The following ARHGEF3 variants were observed in gnomAD, a reference collection of about 807,000 sequenced individuals.
ARHGEF3 encodes 59.8 kDA protein.
A neutral mutation model predicts 63.2 loss-of-function variants in ARHGEF3; 28 were observed. The ratio of observed to expected loss-of-function variants is 0.44; its 90% confidence interval spans 0.33 to 0.61. The LOEUF (loss-of-function observed/expected upper bound fraction) is 0.61. ARHGEF3 is among the 20% of genes least tolerant of loss of function. The pLI is 0.03. For missense variants in ARHGEF3, 533 were observed against 659.3 expected (o/e 0.81, Z 2.10); for synonymous variants, 266 against 254.2 (o/e 1.05, Z -0.44).
chr3:56,881,582 C>A (rs186775088), intron 4 of ARHGEF3, among the ~76,000 whole-genome samples: 1 of 152,286 alleles, frequency 6.6e-6, no homozygotes, highest in Admixed American at 6.5e-5. Flanking sequence ...GCTTTTCCAC[C>A]TTGATCATCA....
chr3:57,034,568 C>T (rs1703870563), intron 2 of ARHGEF3, among the ~76,000 whole-genome samples: 1 of 151,976 alleles, frequency 6.6e-6, no homozygotes, highest in Non-Finnish European at 1.5e-5. Context: ...AATGGCATTC[C>T]TCCTCTGGCA....
chr3:56,872,194 G>C (rs1298972075), intron 4 of ARHGEF3, among the ~76,000 whole-genome samples: 1 of 152,112 alleles, frequency 6.6e-6, no homozygotes, highest in African/African-American at 2.4e-5. Flanking sequence ...GGGGAAAGGG[G>C]TGTTCATAGG....
At position 57,003,401 on chromosome 3, in the gene ARHGEF3, C is replaced by CAAAAAA. The variant is rs60214570; in HGVS notation, c.62+31681_62+31686dup. ...CTGGCAACGAAGCGAGACGCCGTCT[C>CAAAAAA]AAAAAAAAAAAAAAAAAAAAAAAAA... On this transcript the variant is annotated intron_variant, in intron 2 of 12. Coordinates refer to the ARHGEF3 transcript ENST00000338458. 6.4e-3 allele frequency among the ~76,000 whole-genome samples: 281 copies of CAAAAAA among 43,728 alleles called. 22 individuals carry two copies. Among genetic ancestry groups the CAAAAAA allele is most frequent in the African/African-American group, 0.024 (250 of 10,242 alleles). The allele number at this position is 43,728 out of a possible 152,430, so 28.7% of individuals were successfully genotyped here. A position where few individuals can be genotyped will look rare whatever the true frequency, so the allele number is the denominator to read the frequency against.
At position 57,029,291 on chromosome 3, in the gene ARHGEF3, G is replaced by A. The variant is rs971762429; in HGVS notation, c.62+5797C>T. ...ACTAAAAATACAAAATTAGCTGGTC[G>A]TGGTGGCACATGCCTGTAATCACAG... is the stretch of plus-strand genomic sequence containing the variant. On this transcript the variant is annotated intron_variant, in intron 2 of 12. Transcript: ENST00000338458. 2.6e-5 allele frequency among the ~76,000 whole-genome samples: 4 copies of A among 152,258 alleles called. 1 individual carries two copies. Among genetic ancestry groups the A allele is most frequent in the South Asian group, 2.1e-4 (1 of 4,818 alleles).
chr3:56,898,797 C>A, intron 3 of ARHGEF3, among the ~76,000 whole-genome samples: 1 of 152,140 alleles, frequency 6.6e-6, no homozygotes, highest in Admixed American at 6.5e-5. Flanking sequence ...TGGCTTACGC[C>A]TGTAATCCCA....
intron 1 of ARHGEF3, among the ~76,000 whole-genome samples, chr3:57,065,198 A>G: frequency 6.6e-6 from 1 of 152,206 alleles, no homozygotes; most frequent in Non-Finnish European, 1.5e-5. Flanking sequence ...CTCACGCCTC[A>G]CGCCTGTAAT....
At chr3:56,970,013 G>A (rs1700839823) in intron 2 of ARHGEF3, among the ~76,000 whole-genome samples, 1 of 152,138 alleles carries the variant, frequency 6.6e-6, no homozygotes, top group African/African-American at 2.4e-5. Context: ...TCAGAAAGTA[G>A]ATTAGCTCCA....
chr3:56,925,809 T>G (rs1021845348), intron 3 of ARHGEF3, among the ~76,000 whole-genome samples: 7 of 152,186 alleles, frequency 4.6e-5, no homozygotes, highest in Admixed American at 4.6e-4. Flanking sequence ...CTGGCCACAG[T>G]GCAGGCACCA....
At chr3:57,035,144 G>C (rs1283764779) in exon 2 of ARHGEF3, 1 of 1,538,958 alleles carries the variant, frequency 6.5e-7, no homozygotes, top group Non-Finnish European at 8.8e-7. Flanking sequence ...CTGTGGAACT[G>C]TCCATAGACT....
Position 56,751,402 on chromosome 3 carries a change from C to A in ARHGEF3, c.439-6G>T. 1 of 1,608,904 alleles carries A rather than the reference C, an allele frequency of 6.2e-7. No homozygotes were observed. The highest frequency in any genetic ancestry group is 8.5e-7 in the Non-Finnish European group (1 of 1,175,394). ...AGCATGGGGTCATGATAGGCCTGCACAAAAACGGCAAGAGATGGAAGCACA... is the reference window on the plus strand; with the variant it reads ...AGCATGGGGTCATGATAGGCCTGCAAAAAAACGGCAAGAGATGGAAGCACA... On this transcript the variant is annotated splice_region_variant and splice_polypyrimidine_tract_variant and intron_variant, in intron 4 of 9. Transcript: ENST00000296315.
chr3:57,013,946 C>G (rs7374196), intron 2 of ARHGEF3, among the ~76,000 whole-genome samples: 39,736 of 152,096 alleles, frequency 0.26, 5,492 homozygotes, highest in Middle Eastern at 0.31. Context: ...TCAATTTCCA[C>G]TCTGGGGAAG....
chr3:56,771,649 G>T (rs1467383910), intron 2 of ARHGEF3, among the ~76,000 whole-genome samples: 1 of 152,188 alleles, frequency 6.6e-6, no homozygotes, highest in Non-Finnish European at 1.5e-5. Context: ...AGGCAATTCT[G>T]TTATATCTGG....
intron 2 of ARHGEF3, chr3:57,007,465 G>A (rs1050604959): frequency 2.2e-6 from 2 of 928,056 alleles, no homozygotes; most frequent in African/African-American, 3.5e-5. Context: ...GGTGAAAACA[G>A]GCAGGCATCT....
intron 1 of ARHGEF3, among the ~76,000 whole-genome samples, chr3:57,067,454 AAATAAT>A (rs10528636): frequency 0.017 from 2,330 of 140,404 alleles, 70 homozygotes; most frequent in African/African-American, 0.055. Context: ...CTCTGTCTCA[AAATAAT>A]AATAATAATA....
chr3:56,924,430 T>C (rs749325714), intron 3 of ARHGEF3, among the ~76,000 whole-genome samples: 14 of 152,158 alleles, frequency 9.2e-5, no homozygotes, highest in African/African-American at 1.7e-4. Context: ...GACCCCAAGA[T>C]AGGGTTCTGG....
intron 3 of ARHGEF3, among the ~76,000 whole-genome samples, chr3:56,951,808 C>T (rs1327010637): frequency 6.6e-6 from 1 of 151,824 alleles, no homozygotes; most frequent in African/African-American, 2.4e-5. Flanking sequence ...AATATTCTCC[C>T]CACTTGCAAA....
intron 6 of ARHGEF3, among the ~76,000 whole-genome samples, chr3:56,746,547 T>C (rs147126308): frequency 0.012 from 1,886 of 152,102 alleles, 39 homozygotes; most frequent in African/African-American, 0.042. Context: ...CTGGCCAGCA[T>C]GGTGAAACCC....
At chr3:56,845,347 T>C (rs1312339565) in intron 4 of ARHGEF3, among the ~76,000 whole-genome samples, 1 of 152,210 alleles carries the variant, frequency 6.6e-6, no homozygotes, top group Admixed American at 6.5e-5. Context: ...GTAATATTGT[T>C]ACAGATAACT....
intron 3 of ARHGEF3, among the ~76,000 whole-genome samples, chr3:56,941,777 T>A (rs1006708175): frequency 2.6e-5 from 4 of 152,222 alleles, no homozygotes; most frequent in Admixed American, 6.5e-5. Flanking sequence ...TCTTTCTATG[T>A]ATATATTAAT....
Sources: gnomAD v4.1 joint callset for allele counts (sites outside exome capture counted in the v4.1 genomes callset) on GRCh38, gnomAD v4.1.1 for gene constraint, MANE v1.5 for transcripts, NCBI Gene and HGNC (gene_info 2026-07-23, HGNC 2026-07-21) for gene names.